Variants in TMEM178B observed in about 807,000 individuals in gnomAD.
TMEM178B encodes transmembrane protein 178B.
Under a neutral mutation model 31.0 loss-of-function variants are expected in TMEM178B, and 5 were observed. The ratio of observed to expected loss-of-function variants is 0.16; its 90% CI spans 0.08 to 0.34. TMEM178B has a LOEUF of 0.34. Ranked by LOEUF, TMEM178B falls within the 10% of genes least tolerant of loss-of-function variation. TMEM178B has a pLI of 1.00. For missense variants in TMEM178B, 275 were observed against 400.3 expected, an observed-to-expected ratio of 0.69 and a Z score of 2.67; for synonymous variants, 164 against 164.0, an observed-to-expected ratio of 1.00 and a Z score of 0.00.
chr7:141,494,377 C>G, the TMEM178B span, among the ~76,000 whole-genome samples: 3 of 152,154 alleles, frequency 2.0e-5, no homozygotes, highest in Non-Finnish European at 4.4e-5. Flanking sequence ...ATCCTCAACA[C>G]CATCTGAAAA....
At chr7:141,112,536 G>T (rs1002071677) in intron 1 of TMEM178B, among the ~76,000 whole-genome samples, 1 of 152,214 alleles carries the variant, frequency 6.6e-6, no homozygotes, top group Non-Finnish European at 1.5e-5. Flanking sequence ...TAACAGGCAT[G>T]AGCCACCACG....
chr7:141,359,130 A>G (rs770345571), intron 2 of TMEM178B, among the ~76,000 whole-genome samples: 5 of 152,362 alleles, frequency 3.3e-5, no homozygotes, highest in South Asian at 2.1e-4. Context: ...TTCATATAAA[A>G]TCCAAGAAAC....
At chr7:141,217,127 CTA>C (rs1282862294) in intron 2 of TMEM178B, among the ~76,000 whole-genome samples, 1 of 152,186 alleles carries the variant, frequency 6.6e-6, no homozygotes, top group Non-Finnish European at 1.5e-5. Context: ...TCTCACTAGA[CTA>C]TGTCTTTATA....
chr7:141,103,341 G>A (rs1795089048), intron 1 of TMEM178B, among the ~76,000 whole-genome samples: 1 of 152,178 alleles, frequency 6.6e-6, no homozygotes, highest in Admixed American at 6.5e-5. Flanking sequence ...ATTGAAACCA[G>A]CATGTTTTCT....
At chr7:141,488,849 T>C in the TMEM178B span, among the ~76,000 whole-genome samples, 1 of 151,972 alleles carries the variant, frequency 6.6e-6, no homozygotes, top group Non-Finnish European at 1.5e-5. Context: ...TGTCAGTTTA[T>C]CTGCACTAAG....
At chr7:141,411,732 A>T (rs767740393) in intron 2 of TMEM178B, among the ~76,000 whole-genome samples, 2 of 152,218 alleles carry the variant, frequency 1.3e-5, no homozygotes, top group African/African-American at 4.8e-5. Flanking sequence ...GCCTGAAATA[A>T]AACAATCAGC....
At chr7:141,442,940 G>A (rs982035953) in intron 3 of TMEM178B, among the ~76,000 whole-genome samples, 9 of 152,320 alleles carry the variant, frequency 5.9e-5, no homozygotes, top group East Asian at 1.9e-4. Flanking sequence ...TGATCAAGGC[G>A]TCAGCTGGGG....
At chr7:141,163,393 A>G (rs1217083820) in intron 1 of TMEM178B, among the ~76,000 whole-genome samples, 1 of 152,244 alleles carries the variant, frequency 6.6e-6, no homozygotes, top group Non-Finnish European at 1.5e-5. Flanking sequence ...GGGCAGGGAT[A>G]ACGACTCTAC....
intron 2 of TMEM178B, among the ~76,000 whole-genome samples, chr7:141,241,578 G>A (rs1230819500): frequency 3.5e-5 from 5 of 144,174 alleles, no homozygotes; most frequent in African/African-American, 1.0e-4. Context: ...GAACAAGAGC[G>A]GGACTTCGTC....
intron 1 of TMEM178B, among the ~76,000 whole-genome samples, chr7:141,128,886 G>T (rs1004076567): frequency 3.3e-5 from 5 of 152,208 alleles, no homozygotes; most frequent in African/African-American, 1.2e-4. Flanking sequence ...CACCAAGAAA[G>T]ACCTAGAAAT....
rs1323945970 is a variant in TMEM178B at position 141,125,268 on chromosome 7, G to A, written c.382+50576G>A. Among the ~76,000 whole-genome samples the A allele has an allele frequency of 2.6e-5, 4 of 152,100 alleles. No homozygotes were observed. In the South Asian group the frequency reaches 8.3e-4, roughly 31 times the overall value. ...AATTTGCTTTGGCTTAAACAGATAT[G>A]CCATACATCACCTCAGGAGGAAGAA... On this transcript the variant is annotated intron_variant, in intron 1 of 3. Coordinates refer to ENST00000565468, the MANE Select transcript of TMEM178B (RefSeq NM_001195278.2).
At chr7:141,487,682 A>C in the TMEM178B span, among the ~76,000 whole-genome samples, 1 of 137,150 alleles carries the variant, frequency 7.3e-6, no homozygotes, top group Non-Finnish European at 1.5e-5. Context: ...CAGAGGTTGC[A>C]GTGAGCCGAG....
At chr7:141,447,322 G>T (rs1380311490) in intron 3 of TMEM178B, among the ~76,000 whole-genome samples, 2 of 152,064 alleles carry the variant, frequency 1.3e-5, no homozygotes, top group East Asian at 1.9e-4. Context: ...AATGTAGGGG[G>T]CAGGAAGCCA....
At chr7:141,142,321 C>T (rs963645541) in intron 1 of TMEM178B, among the ~76,000 whole-genome samples, 1 of 152,202 alleles carries the variant, frequency 6.6e-6, no homozygotes, top group African/African-American at 2.4e-5. Flanking sequence ...GGACTGATTC[C>T]ATGTCTTGCT....
chr7:141,301,284 TA>T (rs1162729036), intron 2 of TMEM178B, among the ~76,000 whole-genome samples: 1 of 152,206 alleles, frequency 6.6e-6, no homozygotes, highest in African/African-American at 2.4e-5. Flanking sequence ...GGTGGCTAAT[TA>T]CGTGAAATTT....
intron 2 of TMEM178B, among the ~76,000 whole-genome samples, chr7:141,218,949 T>G (rs1313269760): frequency 6.6e-6 from 1 of 152,226 alleles, no homozygotes; most frequent in East Asian, 1.9e-4. Context: ...TCTGGCTTTC[T>G]CAGCCTGGGA....
chr7:141,262,571 A>G (rs1386149146), intron 2 of TMEM178B, among the ~76,000 whole-genome samples: 1 of 151,464 alleles, frequency 6.6e-6, no homozygotes, highest in African/African-American at 2.4e-5. Context: ...AAAACTTGAA[A>G]AAAAAACTTG....
At chr7:141,245,011 C>T (rs1409030860) in intron 2 of TMEM178B, among the ~76,000 whole-genome samples, 2 of 150,722 alleles carry the variant, frequency 1.3e-5, no homozygotes, top group East Asian at 2.0e-4. Context: ...GTGGCGTGTG[C>T]CTGTAATCCC....
In TMEM178B at chr7:141,422,241, C is replaced by G. The variant is rs1801225549; in HGVS notation, c.497-15367C>G. The stretch of plus-strand genomic sequence containing the variant: ...GCCTGGTGTTATTGCTCTCCGGGCC[C>G]TCCATGTGGTGGGGCCCAAAGGCTG... On this transcript the variant is annotated intron_variant, in intron 2 of 3. Coordinates refer to ENST00000565468, the MANE Select transcript of TMEM178B (RefSeq NM_001195278.2). This position sits in a 1 kb window ranked among gnomAD's most constrained non-coding sequence, Gnocchi z 4.2. Among the ~76,000 whole-genome samples the G allele has an allele frequency of 6.6e-6, 1 of 152,314 alleles. No homozygotes were observed. The highest frequency in any genetic ancestry group is 1.9e-4 in the East Asian group (1 of 5,174).
Sources: allele counts gnomAD v4.1 joint callset (sites outside exome capture counted in the v4.1 genomes callset), GRCh38; gene constraint gnomAD v4.1.1; non-coding constraint Gnocchi (gnomAD v3.1); transcripts MANE v1.5; gene names NCBI Gene and HGNC (gene_info 2026-07-23, HGNC 2026-07-21).